TEAD1: variants seen among roughly 807,000 people sequenced by gnomAD.
The protein encoded by TEAD1 is transcriptional enhancer factor TEF-1.
Under a neutral mutation model 54.9 loss-of-function variants are expected in TEAD1, and 9 were observed. The ratio of observed to expected loss-of-function variants is 0.16; its 90% CI spans 0.10 to 0.29. TEAD1 has a LOEUF of 0.29. TEAD1 is among the 10% of genes least tolerant of loss of function. The pLI is 1.00. For synonymous variants in TEAD1, 200 were observed against 187.8 expected, an observed-to-expected ratio of 1.07 and a Z score of -0.53; for missense variants, 387 against 535.9, an observed-to-expected ratio of 0.72 and a Z score of 2.74.
intron 2 of TEAD1, among the ~76,000 whole-genome samples, chr11:12,694,154 A>G (rs1293039462): frequency 6.6e-6 from 1 of 152,224 alleles, no homozygotes; most frequent in South Asian, 2.1e-4. Context: ...AAATGTTTCA[A>G]GGGGCTTTAG....
At chr11:12,741,574 A>G (rs1329074956) in intron 2 of TEAD1, among the ~76,000 whole-genome samples, 1 of 152,186 alleles carries the variant, frequency 6.6e-6, no homozygotes, top group African/African-American at 2.4e-5. Context: ...GTGATCATGC[A>G]TATTTTCCCA....
At chr11:12,813,606 G>A (rs1029159847) in intron 3 of TEAD1, among the ~76,000 whole-genome samples, 1 of 152,198 alleles carries the variant, frequency 6.6e-6, no homozygotes, top group Non-Finnish European at 1.5e-5. Flanking sequence ...GCTTCTCTTT[G>A]AGATAAGAGC....
At chr11:12,777,034 C>G (rs543473005) in intron 3 of TEAD1, among the ~76,000 whole-genome samples, 3 of 152,084 alleles carry the variant, frequency 2.0e-5, no homozygotes, top group Admixed American at 2.0e-4. Flanking sequence ...CTCAGGTGAT[C>G]CTCCTGCCTT....
intron 2 of TEAD1, among the ~76,000 whole-genome samples, chr11:12,719,290 G>A (rs1023738709): frequency 6.6e-6 from 1 of 152,122 alleles, no homozygotes; most frequent in Non-Finnish European, 1.5e-5. Flanking sequence ...GCATCCTGTG[G>A]AAATGATTGC....
chr11:12,816,848 A>G (rs763358962), intron 3 of TEAD1, among the ~76,000 whole-genome samples: 15 of 152,170 alleles, frequency 9.9e-5, no homozygotes, highest in Admixed American at 7.9e-4. Context: ...TGATGATGGC[A>G]TTACAATGAG....
At chr11:12,806,934 G>A (rs1464052846) in intron 3 of TEAD1, among the ~76,000 whole-genome samples, 2 of 152,168 alleles carry the variant, frequency 1.3e-5, no homozygotes, top group Admixed American at 6.5e-5. Flanking sequence ...TCTTGAGGCT[G>A]TTTGGGGCAA....
intron 9 of TEAD1, among the ~76,000 whole-genome samples, chr11:12,893,544 C>A (rs1388598942): frequency 4.6e-5 from 7 of 152,186 alleles, no homozygotes; most frequent in East Asian, 1.9e-4. Flanking sequence ...CAGTCAGGCC[C>A]CCTCTGCTTT....
At chr11:12,733,888 G>A (rs920572769) in intron 2 of TEAD1, among the ~76,000 whole-genome samples, 2 of 152,210 alleles carry the variant, frequency 1.3e-5, no homozygotes, top group Admixed American at 1.3e-4. Context: ...TAATGTGTTT[G>A]CTTGTGTCTT....
chr11:12,843,112 C>T (rs778364454), intron 3 of TEAD1, among the ~76,000 whole-genome samples: 2 of 152,090 alleles, frequency 1.3e-5, no homozygotes, highest in African/African-American at 2.4e-5. Context: ...TTAAGTCATC[C>T]ATCATGCCTG....
chr11:12,726,131 A>G (rs1372475467), intron 2 of TEAD1, among the ~76,000 whole-genome samples: 1 of 152,226 alleles, frequency 6.6e-6, no homozygotes, highest in African/African-American at 2.4e-5. Context: ...TGAGCATGGC[A>G]TGGTAAGGGC....
At chr11:12,832,635 T>G (rs1311362835) in intron 3 of TEAD1, among the ~76,000 whole-genome samples, 1 of 152,252 alleles carries the variant, frequency 6.6e-6, no homozygotes, top group Non-Finnish European at 1.5e-5. Flanking sequence ...TGCACTCTAT[T>G]AAAATTTAAG....
chr11:12,707,819 A>T (rs1943852065), intron 2 of TEAD1, among the ~76,000 whole-genome samples: 1 of 152,218 alleles, frequency 6.6e-6, no homozygotes, highest in Non-Finnish European at 1.5e-5. Flanking sequence ...GTGTCTAGTC[A>T]ACTCTGTTTA....
chr11:12,885,340 A>C (rs1374840470), intron 9 of TEAD1, among the ~76,000 whole-genome samples: 5 of 146,498 alleles, frequency 3.4e-5, no homozygotes, highest in African/African-American at 1.3e-4. Context: ...GGTTCACGCC[A>C]TTCTCCTGCC....
chr11:12,800,568 A>G (rs1946035041), intron 3 of TEAD1, among the ~76,000 whole-genome samples: 2 of 152,190 alleles, frequency 1.3e-5, no homozygotes, highest in South Asian at 2.1e-4. Flanking sequence ...AGGGAATTCT[A>G]CTAAGGTGCT....
chr11:12,918,335 C>A (rs1485478129), intron 10 of TEAD1, among the ~76,000 whole-genome samples: 4 of 149,692 alleles, frequency 2.7e-5, no homozygotes, highest in African/African-American at 9.8e-5. Flanking sequence ...TTATATATAT[C>A]TTGATAATTA....
At chr11:12,720,915 C>G (rs1944182280) in intron 2 of TEAD1, among the ~76,000 whole-genome samples, 1 of 152,192 alleles carries the variant, frequency 6.6e-6, no homozygotes, top group South Asian at 2.1e-4. Context: ...TGAGGTCAGC[C>G]CCGACACTTC....
intron 3 of TEAD1, among the ~76,000 whole-genome samples, chr11:12,795,878 T>G (rs1945907565): frequency 1.3e-5 from 2 of 152,180 alleles, no homozygotes; most frequent in Admixed American, 1.3e-4. Flanking sequence ...GATGGCAGCC[T>G]TACCCCACGC....
intron 5 of TEAD1, among the ~76,000 whole-genome samples, chr11:12,870,650 C>T (rs1947727562): frequency 6.6e-6 from 1 of 152,128 alleles, no homozygotes; most frequent in African/African-American, 2.4e-5. Flanking sequence ...CTTCGGGAGG[C>T]CGAGATGGGC....
intron 2 of TEAD1, among the ~76,000 whole-genome samples, chr11:12,733,928 G>A (rs778743344): frequency 4.1e-5 from 6 of 147,110 alleles, no homozygotes; most frequent in African/African-American, 7.4e-5. Context: ...CACCTCCCCC[G>A]CCCCCTCTAG....
Sources: allele counts gnomAD v4.1 joint callset (sites outside exome capture counted in the v4.1 genomes callset), GRCh38; gene constraint gnomAD v4.1.1; transcripts MANE v1.5; gene names NCBI Gene and HGNC (gene_info 2026-07-23, HGNC 2026-07-21).